HNF4G: variants seen among roughly 807,000 people sequenced by gnomAD.
HNF4G encodes the protein hepatocyte nuclear factor 4-gamma.
HNF4G carries 21 observed loss-of-function variants against 50.9 expected under a neutral mutation model. The ratio of observed to expected loss-of-function variants is 0.41; its 90% CI spans 0.29 to 0.59. HNF4G has a LOEUF of 0.59. Among genes scored for constraint, HNF4G ranks in the 20% least tolerant of loss-of-function variants. The pLI is 0.26. For synonymous variants in HNF4G, 198 were observed against 185.6 expected, an observed-to-expected ratio of 1.07 and a Z score of -0.54; for missense variants, 527 against 559.4, an observed-to-expected ratio of 0.94 and a Z score of 0.58.
At position 75,551,384 on chromosome 8, in the gene HNF4G, CT is replaced by C. The variant is rs747540939; in HGVS notation, c.383-3del. ...TCAATAAATACTGTGTTTTTTCCCC[CT>C]AGCTGTACAAAATGAACGTGACAGA... On this transcript the variant is annotated splice_region_variant and splice_polypyrimidine_tract_variant and intron_variant, in intron 3 of 9. Transcript: ENST00000396423. 1.9e-6 allele frequency: 3 copies of C among 1,574,670 alleles called. No individual in the cohort carries two copies. Among genetic ancestry groups the C allele is most frequent in the Admixed American group, 3.3e-5 (2 of 59,762 alleles).
chr8:75,471,058 T>A (rs1812101735), intron 1 of HNF4G, among the ~76,000 whole-genome samples: 1 of 152,174 alleles, frequency 6.6e-6, no homozygotes, highest in African/African-American at 2.4e-5. Flanking sequence ...ATCTTCCTGA[T>A]AAAGTCCTGA....
At chr8:75,412,544 C>A (rs939623169) in intron 1 of HNF4G, among the ~76,000 whole-genome samples, 1 of 152,166 alleles carries the variant, frequency 6.6e-6, no homozygotes, top group Non-Finnish European at 1.5e-5. Flanking sequence ...TTTCCCCCAT[C>A]TCATTTAAAA....
intron 1 of HNF4G, among the ~76,000 whole-genome samples, chr8:75,418,915 C>T (rs746679998): frequency 2.6e-5 from 4 of 151,846 alleles, no homozygotes; most frequent in Admixed American, 1.3e-4. Flanking sequence ...TTGGTAGAGG[C>T]GGGTTTTCTC....
chr8:75,469,124 G>C lies in HNF4G; in HGVS notation c.-143-20965G>C, dbSNP rs73688897. Among the ~76,000 whole-genome samples, 767 of 152,304 alleles carry C rather than the reference G, an allele frequency of 5.0e-3. 13 individuals carry two copies. The highest frequency in any genetic ancestry group is 0.018 in the African/African-American group (741 of 41,568). ...GATTTGGCTTCAGGTCTGAGGTGCA[G>C]GTGGAAGGAGCAGCAGAGATATTGG... On this transcript the variant is annotated intron_variant, in intron 1 of 10. Transcript: ENST00000354370.
chr8:75,546,615 T>A (rs1276624635), intron 2 of HNF4G, among the ~76,000 whole-genome samples: 1 of 152,126 alleles, frequency 6.6e-6, no homozygotes, highest in Non-Finnish European at 1.5e-5. Context: ...AATCATACGA[T>A]ATATGATCTC....
chr8:75,556,655 C>A (rs892660665), intron 6 of HNF4G, among the ~76,000 whole-genome samples: 2 of 152,222 alleles, frequency 1.3e-5, no homozygotes, highest in Non-Finnish European at 2.9e-5. Flanking sequence ...TTGCTCCAAT[C>A]CCGCTACCTT....
At chr8:75,470,067 G>A (rs977829593) in intron 1 of HNF4G, among the ~76,000 whole-genome samples, 3 of 152,142 alleles carry the variant, frequency 2.0e-5, no homozygotes, top group Non-Finnish European at 4.4e-5. Context: ...CTTACTATCT[G>A]AATATCACCT....
At chr8:75,508,383 A>G (rs1805656058) in intron 2 of HNF4G, among the ~76,000 whole-genome samples, 1 of 152,018 alleles carries the variant, frequency 6.6e-6, no homozygotes, top group Admixed American at 6.6e-5. Context: ...AAAAAAAAAA[A>G]AGGAAGTTAG....
chr8:75,411,788 G>A (rs1386540254), intron 1 of HNF4G, among the ~76,000 whole-genome samples: 1 of 152,186 alleles, frequency 6.6e-6, no homozygotes, highest in Non-Finnish European at 1.5e-5. Flanking sequence ...TCACTAAATG[G>A]GAAGGGAGGG....
At chr8:75,546,278 A>G (rs1351568408) in intron 2 of HNF4G, among the ~76,000 whole-genome samples, 1 of 152,070 alleles carries the variant, frequency 6.6e-6, no homozygotes, top group African/African-American at 2.4e-5. Flanking sequence ...TTTATTTTAC[A>G]ATTGTAAATT....
At chr8:75,511,402 A>G (rs1805747401) in intron 2 of HNF4G, among the ~76,000 whole-genome samples, 1 of 152,188 alleles carries the variant, frequency 6.6e-6, no homozygotes, top group Non-Finnish European at 1.5e-5. Flanking sequence ...CCTATTCTTC[A>G]GAATTATCCT....
At chr8:75,539,611 T>C (rs1459108287), upstream of HNF4G, among the ~76,000 whole-genome samples, 1 of 152,184 alleles carries the variant, frequency 6.6e-6, no homozygotes, top group African/African-American at 2.4e-5. Context: ...TTAAAACCTA[T>C]GAGATTTTCT....
chr8:75,411,199 C>T (rs773463024), intron 1 of HNF4G, among the ~76,000 whole-genome samples: 23 of 152,140 alleles, frequency 1.5e-4, no homozygotes, highest in Admixed American at 1.2e-3. Flanking sequence ...GCTCCATGTC[C>T]TCATTGAGTT....
chr8:75,507,872 T>G (rs966443848), intron 2 of HNF4G, among the ~76,000 whole-genome samples: 3 of 152,018 alleles, frequency 2.0e-5, no homozygotes, highest in African/African-American at 7.2e-5. Context: ...ATAAAAGAAA[T>G]AAATGGAATT....
intron 2 of HNF4G, among the ~76,000 whole-genome samples, chr8:75,498,068 A>G (rs902983094): frequency 6.6e-6 from 1 of 152,250 alleles, no homozygotes. Flanking sequence ...AAGACAAAAA[A>G]AAGATATGCT....
chr8:75,449,251 C>T (rs1158170434), intron 1 of HNF4G, among the ~76,000 whole-genome samples: 2 of 152,066 alleles, frequency 1.3e-5, no homozygotes, highest in Non-Finnish European at 2.9e-5. Context: ...ATTATAAATA[C>T]TGTAGAATCT....
chr8:75,408,413 C>T (rs1369328107), intron 1 of HNF4G, among the ~76,000 whole-genome samples: 1 of 151,972 alleles, frequency 6.6e-6, no homozygotes, highest in Non-Finnish European at 1.5e-5. Context: ...GTTCGTGGAC[C>T]CTGGAGGTCT....
chr8:75,558,690 C>T lies in HNF4G; in HGVS notation c.886+20C>T, dbSNP rs1807206701. On this transcript the variant is annotated intron_variant, in intron 7 of 9. Transcript: ENST00000396423. The stretch of plus-strand genomic sequence containing the variant: ...ATCCAGGTTGGTTTTCAAAATTCCA[C>T]TAGAGAATTAATATAATAAAAATTG... 1.2e-6 allele frequency: 2 copies of T among 1,601,506 alleles called. No individual in the cohort carries two copies. The highest frequency in any genetic ancestry group is 1.7e-4 in the Middle Eastern group (1 of 5,980).
chr8:75,424,101 G>A (rs376707527), intron 1 of HNF4G, among the ~76,000 whole-genome samples: 21 of 152,118 alleles, frequency 1.4e-4, no homozygotes, highest in Non-Finnish European at 1.5e-5. Flanking sequence ...GATTACAGGC[G>A]TGAGCCACCG....
Sources: allele counts gnomAD v4.1 joint callset (sites outside exome capture counted in the v4.1 genomes callset), GRCh38; gene constraint gnomAD v4.1.1; transcripts MANE v1.5; gene names NCBI Gene and HGNC (gene_info 2026-07-23, HGNC 2026-07-21).